The following VTCN1 variants were observed in gnomAD, a reference collection of about 807,000 sequenced individuals.
VTCN1 encodes the protein V-set domain containing T cell activation inhibitor 1.
Under a neutral mutation model 26.5 loss-of-function variants are expected in VTCN1, and 26 were observed. The ratio of observed to expected loss-of-function variants is 0.98; its 90% CI spans 0.72 to 1.36. VTCN1 has a LOEUF of 1.36. Ranked by LOEUF, VTCN1 falls within the 40% of genes most tolerant of loss-of-function variation. The probability of loss-of-function intolerance (pLI) is 0.00; values close to 1 mark genes in which losing one functional copy is unlikely to be tolerated. For missense variants in VTCN1, 298 were observed against 337.7 expected (o/e 0.88, Z 0.92); for synonymous variants, 116 against 130.7 (o/e 0.89, Z 0.77).
At chr1:117,185,467 G>C (rs949895171) in intron 1 of VTCN1, among the ~76,000 whole-genome samples, 2 of 152,086 alleles carry the variant, frequency 1.3e-5, no homozygotes, top group Admixed American at 6.6e-5. Context: ...ATAAAATTCT[G>C]AGCCCCCCAA....
rs773454242 is a variant in VTCN1, at chr1:117,156,818, G to A, written c.201C>T (p.Ile67=). 35 of 1,613,910 alleles carry A rather than the reference G, an allele frequency of 2.2e-5. No individual in the cohort carries two copies. The highest frequency in any genetic ancestry group is 2.8e-5 in the Non-Finnish European group (33 of 1,180,030). The change falls in exon 3 of 6, where the codon ATC becomes ATT. Residue 67 remains isoleucine, a synonymous_variant. Transcript: ENST00000369458. ...TFEPDIKLSD[I]VIQWLKEGVL... ...CACCTTCCTTCAGCCATTGTATCAC[G>A]ATATCAGAAAGTTTGATGTCAGGTT...
chr1:117,171,555 G>A (rs1652916919), intron 1 of VTCN1, among the ~76,000 whole-genome samples: 1 of 152,126 alleles, frequency 6.6e-6, no homozygotes, highest in African/African-American at 2.4e-5. Flanking sequence ...TCTAACTGGT[G>A]GATCCTCACC....
chr1:117,200,124 A>C (rs566150969), intron 1 of VTCN1, among the ~76,000 whole-genome samples: 1 of 152,358 alleles, frequency 6.6e-6, no homozygotes, highest in East Asian at 1.9e-4. Flanking sequence ...ACTATGGGCC[A>C]GTCACAGTGG....
chr1:117,190,404 C>A (rs959259037), intron 1 of VTCN1, among the ~76,000 whole-genome samples: 1 of 152,204 alleles, frequency 6.6e-6, no homozygotes, highest in African/African-American at 2.4e-5. Flanking sequence ...GCTGAAGGAA[C>A]TCTGTGACTT....
intron 1 of VTCN1, among the ~76,000 whole-genome samples, chr1:117,192,207 G>C (rs1648282966): frequency 6.6e-6 from 1 of 152,122 alleles, no homozygotes; most frequent in South Asian, 2.1e-4. Flanking sequence ...GGATTTTTCA[G>C]CAGAAGTCTT....
intron 1 of VTCN1, among the ~76,000 whole-genome samples, chr1:117,198,335 G>C (rs1395835506): frequency 6.6e-6 from 1 of 152,178 alleles, no homozygotes; most frequent in Non-Finnish European, 1.5e-5. Flanking sequence ...TGTTATATGT[G>C]AATGACAGAC....
At chr1:117,209,813 G>T (rs894428412) in intron 1 of VTCN1, among the ~76,000 whole-genome samples, 14 of 152,236 alleles carry the variant, frequency 9.2e-5, no homozygotes, top group Non-Finnish European at 1.6e-4. Flanking sequence ...AGTCAGGGGA[G>T]CTGATATTTT....
chr1:117,173,957 C>T (rs574371353), intron 1 of VTCN1, among the ~76,000 whole-genome samples: 2 of 152,314 alleles, frequency 1.3e-5, no homozygotes, highest in African/African-American at 2.4e-5. Context: ...CAGGAATCAC[C>T]GTGAGGTTTG....
chr1:117,178,590 T>TTTG (rs1280679516), intron 1 of VTCN1, among the ~76,000 whole-genome samples: 1 of 137,782 alleles, frequency 7.3e-6, no homozygotes, highest in Non-Finnish European at 1.6e-5. Flanking sequence ...TTTCTTTCGT[T>TTTG]TTTTTTTTTT....
rs147992393 is a variant in VTCN1 at position 117,169,436 on chromosome 1, C to G, written c.97+671G>C. 5.7e-3 allele frequency among the ~76,000 whole-genome samples: 861 copies of G among 152,328 alleles called. 1 individual carries two copies. Among genetic ancestry groups the G allele is most frequent in the Non-Finnish European group, 0.01 (692 of 68,032 alleles). The stretch of plus-strand genomic sequence containing the variant: ...AGCTGAAGCTTCGTTGCAAAGAAAT[C>G]ATCTACCCAGGCCAACCGCTGACAG... On this transcript the variant is annotated intron_variant, in intron 2 of 5. Transcript: ENST00000369458. This position sits in a 1 kb window ranked among gnomAD's most constrained non-coding sequence, Gnocchi z 4.0.
intron 3 of VTCN1, among the ~76,000 whole-genome samples, chr1:117,154,414 G>A (rs750381597): frequency 1.3e-5 from 2 of 152,118 alleles, no homozygotes; most frequent in Non-Finnish European, 2.9e-5. Context: ...TTGCATAGAA[G>A]GTATAGAGTT....
intron 1 of VTCN1, among the ~76,000 whole-genome samples, chr1:117,172,858 A>G (rs931274980): frequency 6.6e-6 from 1 of 152,020 alleles, no homozygotes; most frequent in African/African-American, 2.4e-5. Flanking sequence ...AGGATTGTAA[A>G]CGCACGGATC....
intron 1 of VTCN1, among the ~76,000 whole-genome samples, chr1:117,193,877 T>C (rs1648378854): frequency 6.6e-6 from 1 of 152,104 alleles, no homozygotes; most frequent in South Asian, 2.1e-4. Context: ...TAACTCAAAA[T>C]GTATTGAAGA....
intron 1 of VTCN1, among the ~76,000 whole-genome samples, chr1:117,180,789 C>A (rs893946689): frequency 6.6e-6 from 1 of 152,206 alleles, no homozygotes; most frequent in African/African-American, 2.4e-5. Context: ...TTGCTCTCCC[C>A]GCCTCTCTCC....
rs1186313699 is a variant in VTCN1, at chr1:117,183,839, T to C, written c.33-13668A>G. Among the ~76,000 whole-genome samples, 1 of 152,236 alleles carries C rather than the reference T, an allele frequency of 6.6e-6. No individual in the cohort carries two copies. The highest frequency in any genetic ancestry group is 1.9e-4 in the East Asian group (1 of 5,198). ...ACACACATTTTTGGGTACTTCATTT[T>C]TGCCAGCAAGAAAAATGAGGGAGAT... On this transcript the variant is annotated intron_variant, in intron 1 of 5. Coordinates refer to ENST00000369458, the MANE Select transcript of VTCN1 (RefSeq NM_024626.4). The surrounding 1 kb of genome is among the most constrained non-coding windows in gnomAD (Gnocchi z 4.1).
intron 1 of VTCN1, among the ~76,000 whole-genome samples, chr1:117,188,001 G>A (rs6669320): frequency 0.15 from 22,684 of 152,054 alleles, 1,872 homozygotes; most frequent in African/African-American, 0.21. Context: ...GGTATTAAAA[G>A]GGCCCAGGGT....
intron 1 of VTCN1, among the ~76,000 whole-genome samples, chr1:117,178,306 G>C (rs1647478787): frequency 6.7e-6 from 1 of 148,812 alleles, no homozygotes; most frequent in Admixed American, 6.7e-5. Context: ...ACCCAGGCTG[G>C]AGTGCAGTGT....
intron 1 of VTCN1, chr1:117,173,340 A>G: frequency 1.8e-6 from 1 of 562,504 alleles, no homozygotes; most frequent in African/African-American, 2.0e-5. Context: ...TGTCCTTATA[A>G]AAAGGGGAAA....
intron 1 of VTCN1, chr1:117,203,720 T>A: frequency 7.1e-6 from 7 of 985,374 alleles, no homozygotes; most frequent in Non-Finnish European, 7.2e-6. Context: ...TGATCCCAGG[T>A]GAAATTTATA....
Sources: allele counts gnomAD v4.1 joint callset (sites outside exome capture counted in the v4.1 genomes callset), GRCh38; gene constraint gnomAD v4.1.1; non-coding constraint Gnocchi (gnomAD v3.1); transcripts MANE v1.5; gene names NCBI Gene and HGNC (gene_info 2026-07-23, HGNC 2026-07-21).